Variants in RSU1 observed in about 807,000 individuals in gnomAD.
RSU1 encodes the protein rsu-1.
In RSU1, 26 loss-of-function variants were observed where a neutral mutation model predicts 31.1. That is an observed-to-expected ratio of 0.84 (90% CI 0.61 to 1.16). RSU1 has a LOEUF of 1.16. Ranked by LOEUF, RSU1 falls within the 50% of genes most tolerant of loss-of-function variation. The pLI, the probability that RSU1 is intolerant of heterozygous loss-of-function variation, is 0.00. For missense variants in RSU1, 320 were observed against 339.1 expected (o/e 0.94, Z 0.44); for synonymous variants, 164 against 136.3 (o/e 1.20, Z -1.41).
chr10:16,796,700 T>C (rs948307592), intron 2 of RSU1, among the ~76,000 whole-genome samples: 4 of 151,848 alleles, frequency 2.6e-5, no homozygotes, highest in African/African-American at 2.4e-5. Context: ...TTTTTCCCAC[T>C]GTACCAAGGA....
rs1837000793 is a variant in RSU1 at position 16,752,559 on chromosome 10, G to C, written c.578C>G (p.Thr193Ser). 6.2e-7 allele frequency: 1 copy of C among 1,613,924 alleles called. No homozygotes were observed. The highest frequency in any genetic ancestry group is 8.5e-7 in the Non-Finnish European group (1 of 1,179,800). The change falls in exon 7 of 9, where the codon ACC (threonine) becomes AGC (serine). Residue 193 changes from threonine to serine, a missense_variant. By Grantham distance (58) the Thr-to-Ser change is moderately conservative. Transcript: ENST00000345264. Reference sequence around the variant, plus strand: ...CTTACCTAGTTCTGGGGGCAGAACGGTGAGGCGGTTCCCCTGAATGTGGAG... The same window carrying C: ...CTTACCTAGTTCTGGGGGCAGAACGCTGAGGCGGTTCCCCTGAATGTGGAG... ...KELHIQGNRLTVLPPELGNLD... is the reference protein window; with the variant it reads ...KELHIQGNRLSVLPPELGNLD...
intron 8 of RSU1, among the ~76,000 whole-genome samples, chr10:16,618,823 GT>G (rs1834023581): frequency 6.6e-6 from 1 of 152,106 alleles, no homozygotes; most frequent in Non-Finnish European, 1.5e-5. Context: ...ACTGGGGCCC[GT>G]GGTGGGGTAG....
At chr10:16,663,723 A>G (rs1834932048) in intron 8 of RSU1, among the ~76,000 whole-genome samples, 3 of 151,428 alleles carry the variant, frequency 2.0e-5, no homozygotes, top group African/African-American at 4.9e-5. Context: ...CAGAAGGAGG[A>G]CTCTGCTCTG....
intron 3 of RSU1, among the ~76,000 whole-genome samples, chr10:16,768,068 A>G (rs2131634782): frequency 6.6e-6 from 1 of 152,366 alleles, no homozygotes; most frequent in South Asian, 2.1e-4. Flanking sequence ...AGTGCACATC[A>G]GTATATTTCT....
intron 2 of RSU1, among the ~76,000 whole-genome samples, chr10:16,783,617 G>A (rs986043629): frequency 6.6e-6 from 1 of 151,332 alleles, no homozygotes; most frequent in Non-Finnish European, 1.5e-5. Context: ...GCCTCCCAAA[G>A]TGCTAGGATT....
intron 8 of RSU1, among the ~76,000 whole-genome samples, chr10:16,692,079 A>T (rs1027025207): frequency 6.6e-6 from 1 of 152,160 alleles, no homozygotes; most frequent in African/African-American, 2.4e-5. Flanking sequence ...TTTAATGTTG[A>T]CTTAACTGCA....
At chr10:16,602,397 T>C (rs559227683) in intron 8 of RSU1, among the ~76,000 whole-genome samples, 1 of 152,314 alleles carries the variant, frequency 6.6e-6, no homozygotes, top group South Asian at 2.1e-4. Context: ...ATTTGTCAGA[T>C]GAGGAAATTG....
intron 3 of RSU1, among the ~76,000 whole-genome samples, chr10:16,781,032 G>A (rs1043825355): frequency 6.6e-6 from 1 of 152,172 alleles, no homozygotes; most frequent in Non-Finnish European, 1.5e-5. Flanking sequence ...GCTTCAAGCT[G>A]TATATAATGC....
chr10:16,674,748 T>A (rs1835193589), intron 8 of RSU1, among the ~76,000 whole-genome samples: 1 of 152,094 alleles, frequency 6.6e-6, no homozygotes, highest in Non-Finnish European at 1.5e-5. Flanking sequence ...AGAAACTGAA[T>A]ATAAGTGTAA....
At chr10:16,649,031 G>A (rs756522810) in intron 8 of RSU1, among the ~76,000 whole-genome samples, 6 of 152,080 alleles carry the variant, frequency 3.9e-5, no homozygotes, top group Non-Finnish European at 7.4e-5. Context: ...AAATGGTTAG[G>A]AAAAATCCAT....
At chr10:16,667,493 T>A (rs1053158855) in intron 8 of RSU1, among the ~76,000 whole-genome samples, 1 of 146,192 alleles carries the variant, frequency 6.8e-6, no homozygotes, top group African/African-American at 2.5e-5. Flanking sequence ...TATTTATTAA[T>A]TTTTTTTTTT....
At chr10:16,615,000 G>C (rs1475236446) in intron 8 of RSU1, among the ~76,000 whole-genome samples, 1 of 152,110 alleles carries the variant, frequency 6.6e-6, no homozygotes, top group African/African-American at 2.4e-5. Context: ...TAACCAGCTA[G>C]CATCACGATG....
In RSU1 at chr10:16,697,712, A is replaced by G. The variant is rs1431636230; in HGVS notation, c.599-2557T>C. Among the ~76,000 whole-genome samples the G allele has an allele frequency of 5.3e-5, 8 of 152,212 alleles. No homozygotes were observed. In the East Asian group the frequency reaches 1.5e-3, roughly 29 times the overall value. On this transcript the variant is annotated intron_variant, in intron 7 of 8. Transcript: ENST00000345264. ...ATATGTGTATTGCAAAGTAGATGAA[A>G]AAAAAGCAGCAGAAGCCATGAAAAG...
chr10:16,697,965 AG>A (rs1165429503), intron 7 of RSU1, among the ~76,000 whole-genome samples: 1 of 129,018 alleles, frequency 7.8e-6, no homozygotes, highest in African/African-American at 3.0e-5. Flanking sequence ...TCTGGTTCAG[AG>A]GGGTGATTGC....
At chr10:16,699,623 C>T (rs61842314) in intron 7 of RSU1, among the ~76,000 whole-genome samples, 4 of 152,308 alleles carry the variant, frequency 2.6e-5, no homozygotes, top group East Asian at 1.9e-4. Context: ...GGCTGAGCGG[C>T]GCTCTGGTGG....
chr10:16,655,561 A>G (rs1009631642), intron 8 of RSU1, among the ~76,000 whole-genome samples: 1 of 152,226 alleles, frequency 6.6e-6, no homozygotes, highest in Non-Finnish European at 1.5e-5. Context: ...ATATGTATGC[A>G]GTAATATAAT....
intron 2 of RSU1, among the ~76,000 whole-genome samples, chr10:16,792,234 C>T (rs1045204222): frequency 4.6e-5 from 7 of 152,134 alleles, no homozygotes; most frequent in Admixed American, 6.5e-5. Context: ...GCAAAGGATT[C>T]ATCACTTTTT....
At chr10:16,607,788 T>A (rs1433523356) in intron 8 of RSU1, among the ~76,000 whole-genome samples, 1 of 152,216 alleles carries the variant, frequency 6.6e-6, no homozygotes, top group African/African-American at 2.4e-5. Flanking sequence ...CAAATCATGT[T>A]ACGTGAAACT....
intron 8 of RSU1, among the ~76,000 whole-genome samples, chr10:16,693,592 G>A (rs1835609639): frequency 6.6e-6 from 1 of 152,186 alleles, no homozygotes; most frequent in African/African-American, 2.4e-5. Flanking sequence ...GGCTGGGCAT[G>A]GTGGCTCATG....
Sources: allele counts gnomAD v4.1 joint callset (sites outside exome capture counted in the v4.1 genomes callset), GRCh38; gene constraint gnomAD v4.1.1; transcripts MANE v1.5; gene names NCBI Gene and HGNC (gene_info 2026-07-23, HGNC 2026-07-21).